The following HERC3 variants were observed in gnomAD, a reference collection of about 807,000 sequenced individuals.
HERC3 encodes the protein HECT and RLD domain containing E3 ubiquitin protein ligase 3.
Under a neutral mutation model 129.9 loss-of-function variants are expected in HERC3, and 58 were observed. That is an observed-to-expected ratio of 0.45 (90% CI 0.36 to 0.56). The LOEUF (loss-of-function observed/expected upper bound fraction) is 0.56. Ranked by LOEUF, HERC3 falls within the 20% of genes least tolerant of loss-of-function variation. The pLI is 0.00. For missense variants in HERC3, 835 were observed against 1,244.2 expected (o/e 0.67, Z 4.95); for synonymous variants, 430 against 451.0 (o/e 0.95, Z 0.59).
intron 23 of HERC3, among the ~76,000 whole-genome samples, chr4:88,700,684 C>T (rs911408030): frequency 9.9e-5 from 15 of 151,354 alleles, no homozygotes; most frequent in African/African-American, 3.6e-4. Context: ...ACAGAACCAA[C>T]AGGGTGTGAA....
the HERC3 span, among the ~76,000 whole-genome samples, chr4:88,526,828 C>G: frequency 6.6e-6 from 1 of 152,074 alleles, no homozygotes; most frequent in South Asian, 2.1e-4. Flanking sequence ...CCACTGTGCC[C>G]AGCCCAACAT....
the HERC3 span, among the ~76,000 whole-genome samples, chr4:88,583,261 C>G: frequency 2.2e-4 from 33 of 151,836 alleles, no homozygotes; most frequent in East Asian, 6.2e-3. Context: ...AATGGTAAAA[C>G]CCTGTCTCTA....
chr4:88,641,267 A>G (rs1728059404), intron 3 of HERC3, among the ~76,000 whole-genome samples: 1 of 152,252 alleles, frequency 6.6e-6, no homozygotes, highest in Non-Finnish European at 1.5e-5. Flanking sequence ...CTGAACGAAA[A>G]TGAAAATATG....
At chr4:88,697,310 C>T (rs762246795) in intron 23 of HERC3, 4 of 1,611,830 alleles carry the variant, frequency 2.5e-6, no homozygotes, top group Non-Finnish European at 3.4e-6. Flanking sequence ...TCCCCCTCCT[C>T]CTCGTCATCC....
At chr4:88,660,263 G>T (rs1055473821) in intron 10 of HERC3, among the ~76,000 whole-genome samples, 2 of 151,620 alleles carry the variant, frequency 1.3e-5, no homozygotes, top group African/African-American at 4.9e-5. Flanking sequence ...GTACAATGGC[G>T]TGATCCCGGC....
intron 23 of HERC3, 37 bp from the exon 24 acceptor site, chr4:88,704,061 C>T: frequency 6.3e-7 from 1 of 1,584,164 alleles, no homozygotes; most frequent in South Asian, 1.1e-5. Context: ...CTTTACAAGA[C>T]TTTGAGCTAA....
intron 3 of HERC3, among the ~76,000 whole-genome samples, chr4:88,624,189 C>T (rs1297199465): frequency 1.3e-5 from 2 of 152,134 alleles, no homozygotes; most frequent in Non-Finnish European, 2.9e-5. Context: ...TGAGTATTTT[C>T]CCCCGTTTTG....
At position 88,613,853 on chromosome 4, in the gene HERC3, A is replaced by G. The variant is rs188901509; in HGVS notation, c.226+7804A>G. On this transcript the variant is annotated intron_variant, in intron 3 of 25. Coordinates refer to ENST00000402738, the MANE Select transcript of HERC3 (RefSeq NM_014606.3). ...AATGGTTATAATCAAAACTAGTAGG[A>G]TGTCTTGCCTCCTTTGATAGCTAGG... 3.9e-5 allele frequency among the ~76,000 whole-genome samples: 6 copies of G among 152,280 alleles called. No homozygotes were observed. The East Asian group carries it at 1.2e-3, about 29-fold the overall frequency.
chr4:88,656,592 C>A, intron 9 of HERC3: 1 of 152,740 alleles, frequency 6.5e-6, no homozygotes, highest in Non-Finnish European at 1.5e-5. Flanking sequence ...CACATACCAC[C>A]ATGCCTCACC....
At chr4:88,577,874 A>G in the HERC3 span, among the ~76,000 whole-genome samples, 18 of 152,308 alleles carry the variant, frequency 1.2e-4, no homozygotes, top group South Asian at 1.2e-3. Context: ...AGTGAACTTT[A>G]GAGCTTCAAA....
chr4:88,623,481 T>C (rs891633209), intron 3 of HERC3, among the ~76,000 whole-genome samples: 1 of 152,214 alleles, frequency 6.6e-6, no homozygotes, highest in Non-Finnish European at 1.5e-5. Flanking sequence ...AATGAATAGC[T>C]CATTATCACT....
the HERC3 span, among the ~76,000 whole-genome samples, chr4:88,564,104 T>C: frequency 6.6e-6 from 1 of 152,260 alleles, no homozygotes; most frequent in African/African-American, 2.4e-5. Flanking sequence ...TTGATTTGTG[T>C]ATGTAGAACC....
intron 3 of HERC3, among the ~76,000 whole-genome samples, chr4:88,619,941 GGAAA>G (rs1405505979): frequency 6.6e-6 from 1 of 152,194 alleles, no homozygotes; most frequent in Non-Finnish European, 1.5e-5. Flanking sequence ...CACTCATGTA[GGAAA>G]ATGGGTTGTG....
At chr4:88,621,113 A>T (rs1213344083) in intron 3 of HERC3, among the ~76,000 whole-genome samples, 1 of 151,932 alleles carries the variant, frequency 6.6e-6, no homozygotes. Flanking sequence ...AGCTTTCAGC[A>T]AGTTTTTTTT....
chr4:88,610,422 C>T (rs566959604), intron 3 of HERC3, among the ~76,000 whole-genome samples: 67 of 149,972 alleles, frequency 4.5e-4, no homozygotes, highest in Non-Finnish European at 6.9e-4. Flanking sequence ...CACTGGCACT[C>T]CAGCCTGGGG....
chr4:88,679,288 A>G (rs992301728), intron 19 of HERC3, among the ~76,000 whole-genome samples: 3 of 152,154 alleles, frequency 2.0e-5, no homozygotes, highest in Admixed American at 2.0e-4. Flanking sequence ...CACAGAGCCC[A>G]TGTCTGTGTC....
chr4:88,636,878 G>A (rs1217328928), intron 3 of HERC3, among the ~76,000 whole-genome samples: 7 of 152,200 alleles, frequency 4.6e-5, no homozygotes, highest in Non-Finnish European at 1.0e-4. Flanking sequence ...GCTCATGCCT[G>A]TAATCCCAGT....
chr4:88,691,966 A>T (rs1734118200), intron 23 of HERC3, among the ~76,000 whole-genome samples: 1 of 152,276 alleles, frequency 6.6e-6, no homozygotes, highest in Non-Finnish European at 1.5e-5. Flanking sequence ...GGAAAATGCC[A>T]GAGGAATACC....
chr4:88,566,779 C>T, the HERC3 span, among the ~76,000 whole-genome samples: 1 of 152,110 alleles, frequency 6.6e-6, no homozygotes, highest in East Asian at 1.9e-4. Flanking sequence ...CTCTAGGATA[C>T]ATTTTTTCCT....
Sources: allele counts gnomAD v4.1 joint callset (sites outside exome capture counted in the v4.1 genomes callset), GRCh38; gene constraint gnomAD v4.1.1; transcripts MANE v1.5; gene names NCBI Gene and HGNC (gene_info 2026-07-23, HGNC 2026-07-21).